HEMK2: variants seen among roughly 807,000 people sequenced by gnomAD.
The protein encoded by HEMK2 is methyltransferase HEMK2.
the HEMK2 span, among the ~76,000 whole-genome samples, chr21:28,783,614 T>C: frequency 2.0e-5 from 3 of 152,238 alleles, no homozygotes; most frequent in African/African-American, 7.2e-5. Context: ...CAGCCCTCGC[T>C]CGCTCTTGGC....
chr21:28,766,131 A>G, the HEMK2 span, among the ~76,000 whole-genome samples: 3 of 152,078 alleles, frequency 2.0e-5, no homozygotes, highest in African/African-American at 4.8e-5. Flanking sequence ...AGGGAGGTGA[A>G]CATCACACAC....
At chr21:28,885,359 G>T in the HEMK2 span, 28 of 1,537,066 alleles carry the variant, frequency 1.8e-5, no homozygotes, top group Admixed American at 5.3e-4. Context: ...CCTTCGCTGC[G>T]TTCCATGCGC....
At chr21:28,850,101 A>G in the HEMK2 span, among the ~76,000 whole-genome samples, 1 of 152,174 alleles carries the variant, frequency 6.6e-6, no homozygotes, top group Non-Finnish European at 1.5e-5. Context: ...AAAATGTTAA[A>G]GACAGCTACA....
the HEMK2 span, among the ~76,000 whole-genome samples, chr21:28,764,806 A>T: frequency 6.6e-6 from 1 of 152,160 alleles, no homozygotes; most frequent in African/African-American, 2.4e-5. Flanking sequence ...TCCACTAGGT[A>T]TTTCAGCAAA....
At chr21:28,841,438 T>TATATATATA in the HEMK2 span, among the ~76,000 whole-genome samples, 13 of 56,094 alleles carry the variant, frequency 2.3e-4, 1 homozygote, top group African/African-American at 9.0e-4. Flanking sequence ...ATATATATAT[T>TATATATATA]ATATATAAAA....
chr21:28,846,347 G>A, the HEMK2 span, among the ~76,000 whole-genome samples: 1 of 152,104 alleles, frequency 6.6e-6, no homozygotes, highest in Non-Finnish European at 1.5e-5. Flanking sequence ...TGGTGCTTCT[G>A]CTTTAAATTC....
At chr21:28,690,776 C>T in the HEMK2 span, among the ~76,000 whole-genome samples, 1 of 152,074 alleles carries the variant, frequency 6.6e-6, no homozygotes, top group Admixed American at 6.5e-5. Flanking sequence ...GTATAATTTA[C>T]CTCAATTTTT....
the HEMK2 span, among the ~76,000 whole-genome samples, chr21:28,633,947 T>C: frequency 6.6e-6 from 1 of 152,196 alleles, no homozygotes; most frequent in Admixed American, 6.5e-5. Flanking sequence ...CTTCCTGTGC[T>C]GGGCCCAATG....
At chr21:28,719,289 C>T in the HEMK2 span, among the ~76,000 whole-genome samples, 1 of 152,140 alleles carries the variant, frequency 6.6e-6, no homozygotes. Context: ...TGAGTCCCCA[C>T]CCAAATCTCA....
At chr21:28,841,199 ATT>A in the HEMK2 span, among the ~76,000 whole-genome samples, 1 of 15,692 alleles carries the variant, frequency 6.4e-5, no homozygotes, top group African/African-American at 4.3e-4. Context: ...TAATATATAT[ATT>A]ATATAATATA....
the HEMK2 span, among the ~76,000 whole-genome samples, chr21:28,769,018 C>A: frequency 6.6e-6 from 1 of 151,972 alleles, no homozygotes; most frequent in Non-Finnish European, 1.5e-5. Context: ...GGACTTCTAG[C>A]CTCCAGAATG....
chr21:28,737,628 A>G, the HEMK2 span, among the ~76,000 whole-genome samples: 2 of 151,990 alleles, frequency 1.3e-5, no homozygotes, highest in Non-Finnish European at 2.9e-5. Context: ...GAGCTGCTCT[A>G]TGATTCCCCA....
the HEMK2 span, among the ~76,000 whole-genome samples, chr21:28,763,394 A>G: frequency 3.3e-5 from 5 of 152,092 alleles, no homozygotes; most frequent in African/African-American, 1.2e-4. Context: ...AGCAAGAGAG[A>G]GAGCAAGAGG....
At chr21:28,591,538 T>A in the HEMK2 span, among the ~76,000 whole-genome samples, 720 of 152,342 alleles carry the variant, frequency 4.7e-3, 6 homozygotes, top group African/African-American at 0.016. Context: ...AAGCTGCGTA[T>A]CTAATAAGAT....
the HEMK2 span, among the ~76,000 whole-genome samples, chr21:28,755,499 G>C: frequency 6.6e-6 from 1 of 152,186 alleles, no homozygotes; most frequent in African/African-American, 2.4e-5. Context: ...TTCTACCATA[G>C]AGTTTGTGGG....
At chr21:28,806,642 G>C in the HEMK2 span, among the ~76,000 whole-genome samples, 1 of 152,078 alleles carries the variant, frequency 6.6e-6, no homozygotes, top group Non-Finnish European at 1.5e-5. Flanking sequence ...GTCTGCAAAA[G>C]ACAAGAAAAT....
At chr21:28,852,649 C>G in the HEMK2 span, among the ~76,000 whole-genome samples, 3 of 152,164 alleles carry the variant, frequency 2.0e-5, no homozygotes, top group East Asian at 5.8e-4. Context: ...AAGACCCGAC[C>G]TCTCCTTCAT....
the HEMK2 span, among the ~76,000 whole-genome samples, chr21:28,761,518 C>G: frequency 6.6e-6 from 1 of 151,778 alleles, no homozygotes; most frequent in African/African-American, 2.4e-5. Context: ...GAAGTTTATT[C>G]CCTTGGTTAC....
chr21:28,883,552 C>G, the HEMK2 span, among the ~76,000 whole-genome samples: 102 of 69,654 alleles, frequency 1.5e-3, no homozygotes, highest in African/African-American at 3.2e-3. Flanking sequence ...AAAGGTCCCC[C>G]AATAATAGAG....
Sources: allele counts gnomAD v4.1 joint callset (sites outside exome capture counted in the v4.1 genomes callset), GRCh38; gene constraint gnomAD v4.1.1; transcripts MANE v1.5; gene names NCBI Gene and HGNC (gene_info 2026-07-23, HGNC 2026-07-21).